The following TBC1D17 variants were observed in gnomAD, a reference collection of about 807,000 sequenced individuals.
TBC1D17 encodes the protein TBC1 domain family, member 17.
TBC1D17 carries 69 observed loss-of-function variants against 78.8 expected under a neutral mutation model. The observed-to-expected ratio is 0.88, with a 90% CI of 0.72 to 1.07. TBC1D17 has a LOEUF of 1.07. Ranked by LOEUF, TBC1D17 falls within the 50% of genes least tolerant of loss-of-function variation. TBC1D17 has a pLI of 0.00. For synonymous variants in TBC1D17, 456 were observed against 358.3 expected, an observed-to-expected ratio of 1.27 and a Z score of -3.08; for missense variants, 957 against 861.0, an observed-to-expected ratio of 1.11 and a Z score of -1.39.
chr19:49,879,842 CTTT>C (rs1212438969), intron 3 of TBC1D17, among the ~76,000 whole-genome samples: 16 of 79,430 alleles, frequency 2.0e-4, no homozygotes, highest in African/African-American at 8.2e-4. Flanking sequence ...GCTGTACTTT[CTTT>C]TTTCTTTTTT....
rs1162868346 is a variant in TBC1D17, at chr19:49,884,270, A to G, written c.1144A>G (p.Thr382Ala). ...RSLIERDVSR[T>A]DRTNKFYEGP... Reference sequence around the variant, plus strand: ...CCCCGCAGAAAGGGATGTGAGCCGCACTGACAGGACCAACAAGTTCTACGA... The same window carrying G: ...CCCCGCAGAAAGGGATGTGAGCCGCGCTGACAGGACCAACAAGTTCTACGA... Residue 382 changes from threonine (T) to alanine (A), a missense_variant, in exon 11 of 17, where the codon ACT becomes GCT. Physicochemically the swap from Thr to Ala is moderately conservative, Grantham distance 58 (BLOSUM62 0). Coordinates refer to ENST00000221543, the MANE Select transcript of TBC1D17 (RefSeq NM_024682.3). The G allele has an allele frequency of 6.2e-7, 1 of 1,613,786 alleles. No homozygotes were observed. The highest frequency in any genetic ancestry group is 8.5e-7 in the Non-Finnish European group (1 of 1,180,036).
chr19:49,881,688 T>C (rs1568674316), intron 5 of TBC1D17, among the ~76,000 whole-genome samples: 1 of 152,230 alleles, frequency 6.6e-6, no homozygotes, highest in Non-Finnish European at 1.5e-5. Flanking sequence ...CCTTTTTCCC[T>C]CTGAGTTCGT....
In TBC1D17 at chr19:49,884,696, G is replaced by C; in HGVS notation, c.1382G>C (p.Arg461Pro). The change falls in exon 13 of 17, where the codon CGG (arginine) becomes CCG (proline). Residue 461 changes from arginine (R) to proline (P), a missense_variant. Coordinates refer to ENST00000221543, the MANE Select transcript of TBC1D17 (RefSeq NM_024682.3). Reference sequence around the variant, plus strand: ...GAAGAGAGCCAGGAGACCATGAAGCGGCAACTCGGGCGACTGCTGCTGCTC... The same window carrying C: ...GAAGAGAGCCAGGAGACCATGAAGCCGCAACTCGGGCGACTGCTGCTGCTC... ...NFEESQETMK[R>P]QLGRLLLLLR... The C allele has an allele frequency of 6.2e-7, 1 of 1,614,106 alleles. No individual in the cohort carries two copies. Among genetic ancestry groups the C allele is most frequent in the Non-Finnish European group, 8.5e-7 (1 of 1,180,030 alleles).
chr19:49,882,036 C>T lies in TBC1D17; in HGVS notation c.528-5C>T. On this transcript the variant is annotated splice_polypyrimidine_tract_variant and splice_region_variant and intron_variant, in intron 5 of 16. Transcript: ENST00000221543. ...ATCACCTGTGCGTCACCTCCCGCCTCCCAGCTCCCCGCAGGACTCCCGCCT... is the reference window on the plus strand; with the variant it reads ...ATCACCTGTGCGTCACCTCCCGCCTTCCAGCTCCCCGCAGGACTCCCGCCT... 1.9e-6 allele frequency: 3 copies of T among 1,613,124 alleles called. No individual in the cohort carries two copies. The highest frequency in any genetic ancestry group is 2.5e-6 in the Non-Finnish European group (3 of 1,179,402).
chr19:49,882,883 C>T lies in TBC1D17; in HGVS notation c.918C>T (p.Ile306=), dbSNP rs146598967. 2.2e-3 allele frequency: 3,507 copies of T among 1,608,054 alleles called. 23 individuals carry two copies. The highest frequency in any genetic ancestry group is 0.015 in the South Asian group (1,379 of 90,712). Residue 306 remains isoleucine, a synonymous_variant, in exon 8 of 17, where the codon ATC becomes ATT. Transcript: ENST00000221543. ...AGGTCCCTGAGCTGAAGAACCGGAT[C>T]TTCTCGGGGGTGAGTGCCAGGACAG... is the stretch of plus-strand genomic sequence containing the variant. ...LQQVPELKNR[I]FSGGLSPSLR... is the part of the protein sequence containing the mutation.
chr19:49,882,930 A>C, intron 8 of TBC1D17, 38 bp downstream of exon 8: 1 of 1,597,194 alleles, frequency 6.3e-7, no homozygotes, highest in Non-Finnish European at 8.5e-7. Flanking sequence ...GGGCAGGGCC[A>C]GAACAAGGCC....
rs2075067809 is a variant in TBC1D17, at chr19:49,887,473, CA to C, written c.1445-2del. On this transcript the variant is annotated splice_acceptor_variant, in intron 13 of 16. Coordinates refer to ENST00000221543, the MANE Select transcript of TBC1D17 (RefSeq NM_024682.3). LOFTEE classifies it high-confidence loss of function. ...GCTGAGTGGGCTCCATGTCATCCCC[CA>C]GATTCCCAGGACTCCGGCTCTCTCT... 1 of 1,613,616 alleles carries C rather than the reference CA, an allele frequency of 6.2e-7. No homozygotes were observed. The highest frequency in any genetic ancestry group is 1.3e-5 in the African/African-American group (1 of 74,948).
rs1214634346 is a variant in TBC1D17, at chr19:49,882,432, C to T, written c.798+32C>T. 5 of 1,582,212 alleles carry T rather than the reference C, an allele frequency of 3.2e-6. No homozygotes were observed. The South Asian group carries it at 3.3e-5, about 11-fold the overall frequency. Reference sequence around the variant, plus strand: ...AGTGAGTGGACCCTCCCTGTTATTTCTGGCCGTGTCTCCCTGGGCGCATGA... The same window carrying T: ...AGTGAGTGGACCCTCCCTGTTATTTTTGGCCGTGTCTCCCTGGGCGCATGA... On this transcript the variant is annotated intron_variant, in intron 7 of 16. Coordinates refer to ENST00000221543, the MANE Select transcript of TBC1D17 (RefSeq NM_024682.3).
Position 49,884,754 on chromosome 19 carries a change from C to T in TBC1D17, c.1440C>T (p.Phe480=), listed in dbSNP as rs758447594. ...LRVLDPLLCD[F]LDSQDSGSLC... ...TGCTGGACCCCCTGCTCTGCGACTT[C>T]CTGGGTATGTCTCTCGGGAGGGTGG... Residue 480 remains phenylalanine (F), a synonymous_variant, in exon 13 of 17, where the codon TTC becomes TTT. Coordinates refer to ENST00000221543, the MANE Select transcript of TBC1D17 (RefSeq NM_024682.3). 1 of 1,613,800 alleles carries T rather than the reference C, an allele frequency of 6.2e-7. No homozygotes were observed. The highest frequency in any genetic ancestry group is 8.5e-7 in the Non-Finnish European group (1 of 1,179,970).
In TBC1D17 at chr19:49,881,391, G is replaced by A; in HGVS notation, c.443G>A (p.Gly148Glu). Residue 148 changes from glycine (G) to glutamate (E), a missense_variant, in exon 5 of 17, where the codon GGA (glycine) becomes GAA (glutamate). Physicochemically the swap from Gly to Glu is moderately conservative, Grantham distance 98 (BLOSUM62 -2). Coordinates refer to ENST00000221543, the MANE Select transcript of TBC1D17 (RefSeq NM_024682.3). ...WAYLVLVTQAGGSLPALHFHR... is the reference protein window; with the variant it reads ...WAYLVLVTQAEGSLPALHFHR... ...TACCTGGTTCTGGTGACCCAGGCTG[G>A]AGGTTCCCTGCCCGCACTGCACTTC... 2 of 1,613,158 alleles carry A rather than the reference G, an allele frequency of 1.2e-6. No homozygotes were observed. The highest frequency in any genetic ancestry group is 1.7e-6 in the Non-Finnish European group (2 of 1,179,992).
chr19:49,882,322 A>C lies in TBC1D17; in HGVS notation c.720A>C (p.Pro240=). The change falls in exon 7 of 17, where the codon CCA becomes CCC. Residue 240 remains proline (P), a synonymous_variant. Coordinates refer to ENST00000221543, the MANE Select transcript of TBC1D17 (RefSeq NM_024682.3). The part of the protein sequence containing the change: ...VTNFFRGALQ[P]QPEGAASDLP... ...ACTTCTTCCGGGGTGCCCTGCAGCC[A>C]CAGCCTGAGGGAGCCGCCTCCGACC... 1 of 1,611,642 alleles carries C rather than the reference A, an allele frequency of 6.2e-7. No homozygotes were observed. The highest frequency in any genetic ancestry group is 8.5e-7 in the Non-Finnish European group (1 of 1,179,964).
chr19:49,877,903 G>C, intron 1 of TBC1D17, 159 bp downstream of exon 1: 1 of 928,462 alleles, frequency 1.1e-6, no homozygotes, highest in Non-Finnish European at 1.6e-6. Flanking sequence ...CACCGCCCCA[G>C]GGAAGAACCT....
At chr19:49,887,924 G>A in intron 15 of TBC1D17, 90 bp downstream of exon 15, 1 of 1,170,020 alleles carries the variant, frequency 8.5e-7, no homozygotes, top group Non-Finnish European at 1.2e-6. Context: ...TGTTTAGTGT[G>A]GGATTATTGA....
At position 49,888,450 on chromosome 19, in the gene TBC1D17, C is replaced by T. The variant is rs2075085033; in HGVS notation, c.1773C>T (p.Ile591=). 2 of 1,596,816 alleles carry T rather than the reference C, an allele frequency of 1.3e-6. No homozygotes were observed. The highest frequency in any genetic ancestry group is 1.7e-6 in the Non-Finnish European group (2 of 1,175,348). Residue 591 remains isoleucine, a synonymous_variant, in exon 17 of 17, where the codon ATC becomes ATT. Transcript: ENST00000221543. ...CPELPHNVQE[I]LGLAPPAEPH... Reference sequence around the variant, plus strand: ...AGCTGCCCCACAACGTGCAGGAGATCCTGGGGCTGGCCCCGCCCGCAGAGC... The same window carrying T: ...AGCTGCCCCACAACGTGCAGGAGATTCTGGGGCTGGCCCCGCCCGCAGAGC...
At position 49,884,509 on chromosome 19, in the gene TBC1D17, C is replaced by G. The variant is rs765910885; in HGVS notation, c.1294C>G (p.Gln432Glu). 1.9e-6 allele frequency: 3 copies of G among 1,614,066 alleles called. No individual in the cohort carries two copies. The highest frequency in any genetic ancestry group is 2.2e-5 in the East Asian group (1 of 44,900). Reference protein sequence around the residue: ...DLLSPILYVIQNEVDAFWCFC... With the variant: ...DLLSPILYVIENEVDAFWCFC... The stretch of plus-strand genomic sequence containing the variant: ...TCTCTCCCCGATCCTCTACGTCATT[C>G]AGAACGAGGTGGATGCTTTCTGGTG... Residue 432 changes from glutamine to glutamate, a missense_variant, in exon 12 of 17, where the codon CAG becomes GAG. By Grantham distance (29) the Gln-to-Glu change is conservative. Transcript: ENST00000221543.
intron 15 of TBC1D17, 122 bp from the exon 16 acceptor site, chr19:49,888,109 T>G: frequency 1.3e-6 from 2 of 1,483,618 alleles, no homozygotes; most frequent in Non-Finnish European, 9.1e-7. Context: ...CCCAGCGCAC[T>G]TCTGAGCCCC....
In TBC1D17 at chr19:49,887,254, C is replaced by T. The variant is rs2075066139; in HGVS notation, c.1445-222C>T. 3 of 553,346 alleles carry T rather than the reference C, an allele frequency of 5.4e-6. No homozygotes were observed. In the East Asian group the frequency reaches 9.5e-5, roughly 18 times the overall value. 34.3% of individuals were successfully genotyped at this position (553,346 alleles called of 1,614,324 possible). A position where few individuals can be genotyped will look rare whatever the true frequency, so the allele number is the denominator to read the frequency against. On this transcript the variant is annotated intron_variant, in intron 13 of 16. Transcript: ENST00000221543. ...TGGGCGTCCTGCCTCCCTTCCATGT[C>T]CATGGCAGATGTGGAAGTATAATAG...
chr19:49,883,528 C>G, intron 9 of TBC1D17, 123 bp from the exon 10 acceptor site: 2 of 729,268 alleles, frequency 2.7e-6, no homozygotes, highest in Non-Finnish European at 4.8e-6. Flanking sequence ...AGGTGACCTG[C>G]TTGGGTCTGT....
rs372969922 is a variant in TBC1D17 at position 49,882,788 on chromosome 19, G to A, written c.823G>A (p.Val275Met). The A allele has an allele frequency of 3.5e-5, 55 of 1,592,282 alleles. No individual in the cohort carries two copies. The highest frequency in any genetic ancestry group is 8.1e-5 in the African/African-American group (6 of 73,844). ...SCVELGPRPT[V>M]ERGPPVTEEE... Reference sequence around the variant, plus strand: ...GGTGGAGCTGGGGCCTCGGCCAACCGTGGAGCGGGGCCCTCCAGTTACAGA... The same window carrying A: ...GGTGGAGCTGGGGCCTCGGCCAACCATGGAGCGGGGCCCTCCAGTTACAGA... The change falls in exon 8 of 17, where the codon GTG (valine) becomes ATG (methionine). Residue 275 changes from valine to methionine, a missense_variant. Val to Met is a conservative substitution (Grantham distance 21, BLOSUM62 1). Transcript: ENST00000221543.
Sources: gnomAD v4.1 joint callset for allele counts (sites outside exome capture counted in the v4.1 genomes callset) on GRCh38, gnomAD v4.1.1 for gene constraint, MANE v1.5 for transcripts, NCBI Gene and HGNC (gene_info 2026-07-23, HGNC 2026-07-21) for gene names.